Variants in RNF144A observed in about 807,000 individuals in gnomAD.
RNF144A encodes the protein E3 ubiquitin-protein ligase RNF144A.
A neutral mutation model predicts 38.7 loss-of-function variants in RNF144A; 11 were observed. The observed-to-expected ratio is 0.28, with a 90% confidence interval of 0.18 to 0.47. RNF144A has a LOEUF of 0.47. Among genes scored for constraint, RNF144A ranks in the 20% least tolerant of loss-of-function variants. The pLI, the probability that RNF144A is intolerant of heterozygous loss-of-function variation, is 0.99. For missense variants in RNF144A, 316 were observed against 377.2 expected, an observed-to-expected ratio of 0.84 and a Z score of 1.34; for synonymous variants, 149 against 143.9, an observed-to-expected ratio of 1.04 and a Z score of -0.25.
chr2:6,964,004 T>C (rs1239146548), intron 2 of RNF144A, among the ~76,000 whole-genome samples: 2 of 151,800 alleles, frequency 1.3e-5, no homozygotes, highest in Admixed American at 1.3e-4. Flanking sequence ...GAAGTAATGA[T>C]GTGGCTCAGG....
intron 2 of RNF144A, among the ~76,000 whole-genome samples, chr2:6,975,417 C>T (rs533953335): frequency 1.3e-5 from 2 of 152,320 alleles, no homozygotes; most frequent in African/African-American, 4.8e-5. Context: ...CTGTGATTCA[C>T]ACTCAAACTT....
At position 6,935,727 on chromosome 2, in the gene RNF144A, T is replaced by C. The variant is rs1313221658; in HGVS notation, c.-211-5221T>C. Reference sequence around the variant, plus strand: ...GATGGCCTCTCACCTTGTGAGCTCATTTGGCTTCCAGTGTTAATGGTAACA... The same window carrying C: ...GATGGCCTCTCACCTTGTGAGCTCACTTGGCTTCCAGTGTTAATGGTAACA... On this transcript the variant is annotated intron_variant, in intron 1 of 8. Transcript: ENST00000320892. Among the ~76,000 whole-genome samples, 2 of 151,466 alleles carry C rather than the reference T, an allele frequency of 1.3e-5. 1 individual carries two copies. Among genetic ancestry groups the C allele is most frequent in the Admixed American group, 1.3e-4 (2 of 15,168 alleles).
At chr2:7,034,113 C>G (rs1052876240) in intron 8 of RNF144A, among the ~76,000 whole-genome samples, 11 of 152,150 alleles carry the variant, frequency 7.2e-5, no homozygotes, top group Admixed American at 2.0e-4. Context: ...CATTCAAAGA[C>G]AGGAAGAACT....
intron 6 of RNF144A, among the ~76,000 whole-genome samples, chr2:7,066,766 TAAAG>T (rs1282664923): frequency 1.3e-5 from 2 of 152,212 alleles, no homozygotes; most frequent in African/African-American, 2.4e-5. Flanking sequence ...TCCGGGTGAA[TAAAG>T]AGTGTCACTT....
intron 6 of RNF144A, among the ~76,000 whole-genome samples, chr2:7,064,087 A>C (rs761570794): frequency 6.6e-6 from 1 of 152,182 alleles, no homozygotes; most frequent in African/African-American, 2.4e-5. Flanking sequence ...GCTTGTGATA[A>C]CTAACCTGCT....
At position 7,011,602 on chromosome 2, in the gene RNF144A, A is replaced by T. The variant is rs59157281; in HGVS notation, c.136-2852A>T. 5.1e-3 allele frequency among the ~76,000 whole-genome samples: 778 copies of T among 152,342 alleles called. 5 individuals carry two copies. Among genetic ancestry groups the T allele is most frequent in the African/African-American group, 0.018 (737 of 41,570 alleles). Reference sequence around the variant, plus strand: ...AACATAGGTAATGCAATTCACGTAGAATCTAGGACTTAGAAAGCATTTGTC... The same window carrying T: ...AACATAGGTAATGCAATTCACGTAGTATCTAGGACTTAGAAAGCATTTGTC... On this transcript the variant is annotated intron_variant, in intron 3 of 8. Transcript: ENST00000320892.
intron 3 of RNF144A, among the ~76,000 whole-genome samples, chr2:6,997,572 C>A (rs1041859694): frequency 7.9e-5 from 12 of 152,130 alleles, no homozygotes; most frequent in African/African-American, 1.7e-4. Context: ...GATGATCCTT[C>A]GGGGCTTAAT....
rs1008835390 is a variant in RNF144A at position 7,042,959 on chromosome 2, C to T, written c.*3199C>T. 1.3e-5 allele frequency: 9 copies of T among 718,596 alleles called. No individual in the cohort carries two copies. Among genetic ancestry groups the T allele is most frequent in the Non-Finnish European group, 1.4e-5 (8 of 587,094 alleles). The allele number at this position is 718,596 out of a possible 1,614,324, so 44.5% of individuals were successfully genotyped here. ...CTCGGCTCACTGCAAGCTCTGCCTC[C>T]CGGGTTCAAGCGATTCTCCTGCCTC... On this transcript the variant is annotated 3_prime_UTR_variant, in exon 9 of 9. Transcript: ENST00000320892.
chr2:6,938,429 G>C (rs1239480639), intron 1 of RNF144A, among the ~76,000 whole-genome samples: 1 of 151,984 alleles, frequency 6.6e-6, no homozygotes, highest in East Asian at 1.9e-4. Context: ...TGTATTTTTA[G>C]TAGAGATGGG....
At chr2:6,994,233 C>G (rs1669576030) in intron 2 of RNF144A, among the ~76,000 whole-genome samples, 1 of 152,162 alleles carries the variant, frequency 6.6e-6, no homozygotes, top group African/African-American at 2.4e-5. Flanking sequence ...CAGCCAATTG[C>G]CAGCTACTGC....
intron 1 of RNF144A, among the ~76,000 whole-genome samples, chr2:6,920,924 G>A (rs1041666332): frequency 1.2e-4 from 19 of 152,174 alleles, no homozygotes; most frequent in Admixed American, 6.5e-4. Flanking sequence ...CTCCCTGGAT[G>A]GCTCCAGTTT....
intron 3 of RNF144A, among the ~76,000 whole-genome samples, chr2:6,998,345 T>C (rs1669896124): frequency 6.6e-6 from 1 of 152,232 alleles, no homozygotes; most frequent in Non-Finnish European, 1.5e-5. Context: ...TGTATTTCAT[T>C]TGCACCTCAT....
intron 1 of RNF144A, among the ~76,000 whole-genome samples, chr2:6,925,417 AC>A (rs1664794701): frequency 6.6e-6 from 1 of 152,208 alleles, no homozygotes; most frequent in African/African-American, 2.4e-5. Context: ...CCATTGTGAG[AC>A]ACTAAGAAAC....
At chr2:7,048,324 T>A (rs899109172), downstream of RNF144A, among the ~76,000 whole-genome samples, 7 of 152,334 alleles carry the variant, frequency 4.6e-5, no homozygotes, top group African/African-American at 1.7e-4. Context: ...ACACTGCGCT[T>A]CCTGAATCAA....
At chr2:7,032,451 G>A (rs1253201511) in intron 8 of RNF144A, among the ~76,000 whole-genome samples, 1 of 152,258 alleles carries the variant, frequency 6.6e-6, no homozygotes, top group Non-Finnish European at 1.5e-5. Context: ...CAGCAGAAAT[G>A]TATTGGCTCA....
rs369142890 is a variant in RNF144A at position 7,057,840 on chromosome 2, G to A, written c.735-10376G>A. On this transcript the variant is annotated intron_variant, in intron 6 of 6. Transcript: ENST00000432850. ...TATTTTCTCATAGAAATCTGCCCAG[G>A]GATCAAATGTTAAGCAGAGATTTAT... Among the ~76,000 whole-genome samples, 104 of 152,246 alleles carry A rather than the reference G, an allele frequency of 6.8e-4. 1 individual carries two copies. Among genetic ancestry groups the A allele is most frequent in the African/African-American group, 2.3e-3 (95 of 41,532 alleles).
rs1667156140 is a variant in RNF144A, at chr2:6,958,702, A to G, written c.-12+17555A>G. 6.6e-6 allele frequency among the ~76,000 whole-genome samples: 1 copy of G among 152,136 alleles called. No homozygotes were observed. Among genetic ancestry groups the G allele is most frequent in the African/African-American group, 2.4e-5 (1 of 41,412 alleles). ...TCCACGTGACCGTAATCTATTTCCC[A>G]GAGGGTCCCAGGCTGGCTGCCTTCC... On this transcript the variant is annotated intron_variant, in intron 2 of 8. Transcript: ENST00000320892. This position sits in a 1 kb window ranked among gnomAD's most constrained non-coding sequence, Gnocchi z 4.5.
chr2:6,978,112 C>A (rs1415833672), intron 2 of RNF144A, among the ~76,000 whole-genome samples: 1 of 152,038 alleles, frequency 6.6e-6, no homozygotes, highest in Non-Finnish European at 1.5e-5. Context: ...GTGTGGGCAC[C>A]CTCGTGAGGT....
chr2:6,986,619 G>C (rs1348877231), intron 2 of RNF144A, among the ~76,000 whole-genome samples: 2 of 152,170 alleles, frequency 1.3e-5, no homozygotes, highest in Non-Finnish European at 2.9e-5. Flanking sequence ...AGGGAACCCG[G>C]TGGCCCACTG....
Sources: gnomAD v4.1 joint callset for allele counts (sites outside exome capture counted in the v4.1 genomes callset) on GRCh38, gnomAD v4.1.1 for gene constraint, Gnocchi (gnomAD v3.1) non-coding constraint, MANE v1.5 for transcripts, NCBI Gene and HGNC (gene_info 2026-07-23, HGNC 2026-07-21) for gene names.